Variants in DPP6 observed in about 807,000 individuals in gnomAD.
DPP6 encodes dipeptidyl peptidase like 6, also known as A-type potassium channel modulatory protein DPP6.
In DPP6, 69 loss-of-function variants were observed where a neutral mutation model predicts 122.6. That is an observed-to-expected ratio of 0.56 (90% CI 0.46 to 0.69). The LOEUF (loss-of-function observed/expected upper bound fraction) is 0.69. Among genes scored for constraint, DPP6 ranks in the 30% least tolerant of loss-of-function variants. The pLI is 0.00. For synonymous variants in DPP6, 418 were observed against 433.1 expected, an observed-to-expected ratio of 0.97 and a Z score of 0.43; for missense variants, 928 against 1,116.9, an observed-to-expected ratio of 0.83 and a Z score of 2.41.
At chr7:154,318,037 G>A (rs1381570005) in intron 1 of DPP6, among the ~76,000 whole-genome samples, 1 of 152,160 alleles carries the variant, frequency 6.6e-6, no homozygotes, top group African/African-American at 2.4e-5. Flanking sequence ...ATAACTTTTA[G>A]TGATATGGTA....
intron 3 of DPP6, among the ~76,000 whole-genome samples, chr7:154,503,723 TG>T (rs1365013210): frequency 2.0e-5 from 3 of 152,222 alleles, no homozygotes; most frequent in Non-Finnish European, 4.4e-5. Flanking sequence ...TTTGATTTTT[TG>T]GGGTAAGGAA....
intron 1 of DPP6, among the ~76,000 whole-genome samples, chr7:154,429,521 C>T (rs1026250254): frequency 6.6e-6 from 1 of 152,210 alleles, no homozygotes; most frequent in Admixed American, 6.5e-5. Flanking sequence ...CTTTTAACAG[C>T]CACATAAAAT....
At chr7:154,082,846 C>CTT (rs1174987723) in intron 1 of DPP6, among the ~76,000 whole-genome samples, 23 of 106,234 alleles carry the variant, frequency 2.2e-4, no homozygotes, top group African/African-American at 3.6e-4. Context: ...TTTTCTTTTT[C>CTT]TTTTTTTTTT....
intron 2 of DPP6, among the ~76,000 whole-genome samples, chr7:154,455,114 A>G (rs1420420320): frequency 6.6e-6 from 1 of 152,148 alleles, no homozygotes. Context: ...TGACGGCTTC[A>G]TGCTTCACTC....
chr7:154,796,019 G>A lies in DPP6; in HGVS notation c.1299+136G>A, dbSNP rs1001379398. On this transcript the variant is annotated intron_variant, in intron 12 of 25. Transcript: ENST00000377770. ...GGCTCCCCAGGCAGAAACAGACGGC[G>A]TGCCGGCTCCACTCACGGTGCCTCC... The A allele has an allele frequency of 1.8e-5, 25 of 1,372,452 alleles. No homozygotes were observed. The South Asian group carries it at 2.2e-4, about 12-fold the overall frequency. 85.0% of individuals were successfully genotyped at this position (1,372,452 alleles called of 1,614,324 possible).
In DPP6 at chr7:154,238,390, G is replaced by T. The variant is rs79357971; in HGVS notation, c.243+185327G>T. 4.3e-3 allele frequency among the ~76,000 whole-genome samples: 653 copies of T among 152,310 alleles called. 5 individuals carry two copies. The highest frequency in any genetic ancestry group is 0.015 in the African/African-American group (618 of 41,570). On this transcript the variant is annotated intron_variant, in intron 1 of 25. Transcript: ENST00000377770. Reference sequence around the variant, plus strand: ...CTGAAACCTTAACAATTCAGAAGGGGTGTAAAATTTTTCTCCTTAAAAATG... The same window carrying T: ...CTGAAACCTTAACAATTCAGAAGGGTTGTAAAATTTTTCTCCTTAAAAATG...
chr7:153,881,376 G>T, the DPP6 span, among the ~76,000 whole-genome samples: 1 of 152,296 alleles, frequency 6.6e-6, no homozygotes, highest in Admixed American at 6.5e-5. Context: ...TCCATCTCTT[G>T]GTTGCAAAGG....
intron 1 of DPP6, among the ~76,000 whole-genome samples, chr7:154,160,480 T>C (rs1323342424): frequency 2.0e-5 from 3 of 152,330 alleles, no homozygotes; most frequent in African/African-American, 7.2e-5. Flanking sequence ...CAGGAAGTGC[T>C]TGTGTGGTCT....
At chr7:154,453,839 A>G (rs1217763592) in intron 2 of DPP6, among the ~76,000 whole-genome samples, 2 of 152,076 alleles carry the variant, frequency 1.3e-5, no homozygotes, top group African/African-American at 4.8e-5. Context: ...TATGTTTGTG[A>G]GATTCATAGT....
At chr7:153,802,260 G>A in the DPP6 span, among the ~76,000 whole-genome samples, 1 of 152,134 alleles carries the variant, frequency 6.6e-6, no homozygotes. Flanking sequence ...GCCACACAGG[G>A]GGCCCCAGGA....
At chr7:154,789,062 C>T (rs1797513092) in intron 10 of DPP6, among the ~76,000 whole-genome samples, 2 of 152,172 alleles carry the variant, frequency 1.3e-5, no homozygotes, top group African/African-American at 2.4e-5. Context: ...CACAGTTCCG[C>T]ACCTCAGGAA....
chr7:153,814,433 C>G, the DPP6 span, among the ~76,000 whole-genome samples: 1 of 152,108 alleles, frequency 6.6e-6, no homozygotes, highest in Non-Finnish European at 1.5e-5. Flanking sequence ...CTGAATACAC[C>G]AATAACAGGC....
intron 10 of DPP6, among the ~76,000 whole-genome samples, chr7:154,786,781 T>C (rs1797364440): frequency 6.6e-6 from 1 of 152,228 alleles, no homozygotes; most frequent in South Asian, 2.1e-4. Context: ...TGAAATAATA[T>C]ATCTATGTGT....
intron 7 of DPP6, among the ~76,000 whole-genome samples, chr7:154,698,862 T>C (rs757102113): frequency 6.6e-6 from 1 of 152,232 alleles, no homozygotes; most frequent in Non-Finnish European, 1.5e-5. Context: ...CTGGGTTCTG[T>C]GATTCCCCTG....
chr7:153,899,732 A>C (rs1243368257), intron 1 of DPP6, among the ~76,000 whole-genome samples: 1 of 152,230 alleles, frequency 6.6e-6, no homozygotes, highest in Non-Finnish European at 1.5e-5. Context: ...AATTGAGAGC[A>C]CTGAAATTGT....
At chr7:154,088,321 G>A (rs1282553913) in intron 1 of DPP6, among the ~76,000 whole-genome samples, 1 of 144,672 alleles carries the variant, frequency 6.9e-6, no homozygotes, top group Non-Finnish European at 1.5e-5. Flanking sequence ...CACCAACCAC[G>A]ATGCCTGCCG....
At chr7:154,511,914 C>A (rs572278480) in intron 3 of DPP6, among the ~76,000 whole-genome samples, 1 of 152,132 alleles carries the variant, frequency 6.6e-6, no homozygotes, top group Non-Finnish European at 1.5e-5. Flanking sequence ...ATTTAAGTTA[C>A]GAGTGAAGCA....
Position 154,853,774 on chromosome 7 carries a change from A to G in DPP6, c.1667-6A>G. 1.2e-6 allele frequency: 2 copies of G among 1,613,750 alleles called. No individual in the cohort carries two copies. Among genetic ancestry groups the G allele is most frequent in the African/African-American group, 1.3e-5 (1 of 75,048 alleles). ...TTTCTTCCTGGCTATTCTCTACCCA[A>G]CACAGGTCCTGGTGTTCCTATGGTG... is the stretch of plus-strand genomic sequence containing the variant. On this transcript the variant is annotated splice_region_variant and splice_polypyrimidine_tract_variant and intron_variant, in intron 16 of 25. Coordinates refer to ENST00000377770, the MANE Select transcript of DPP6 (RefSeq NM_130797.4).
the DPP6 span, among the ~76,000 whole-genome samples, chr7:153,769,433 C>T: frequency 6.6e-6 from 1 of 152,142 alleles, no homozygotes; most frequent in Non-Finnish European, 1.5e-5. Context: ...ACTCAATATT[C>T]TAGCATAGTT....
Sources: allele counts gnomAD v4.1 joint callset (sites outside exome capture counted in the v4.1 genomes callset), GRCh38; gene constraint gnomAD v4.1.1; transcripts MANE v1.5; gene names NCBI Gene and HGNC (gene_info 2026-07-23, HGNC 2026-07-21).